DCHS2: variants seen among roughly 807,000 people sequenced by gnomAD.
The protein encoded by DCHS2 is dachsous cadherin-related 2, also known as protocadherin-23.
Under a neutral mutation model 182.4 loss-of-function variants are expected in DCHS2, and 142 were observed. The observed-to-expected ratio is 0.78, with a 90% CI of 0.68 to 0.89. The LOEUF (loss-of-function observed/expected upper bound fraction) is 0.89, where lower values mean the gene tolerates loss of function less well. Ranked by LOEUF, DCHS2 falls within the 40% of genes least tolerant of loss-of-function variation. The probability of loss-of-function intolerance (pLI) is 0.00; values close to 1 mark genes in which losing one functional copy is unlikely to be tolerated. For missense variants in DCHS2, 4,319 were observed against 4,198.6 expected (o/e 1.03, Z -0.79); for synonymous variants, 1,740 against 1,663.3 (o/e 1.05, Z -1.12).
At chr4:154,449,454 T>C (rs1284543217) in intron 1 of DCHS2, among the ~76,000 whole-genome samples, 2 of 151,966 alleles carry the variant, frequency 1.3e-5, no homozygotes, top group African/African-American at 4.8e-5. Flanking sequence ...CACTGCAATC[T>C]CCACTTCCCA....
At chr4:154,394,707 C>T (rs1164862425) in intron 1 of DCHS2, among the ~76,000 whole-genome samples, 1 of 152,044 alleles carries the variant, frequency 6.6e-6, no homozygotes, top group Non-Finnish European at 1.5e-5. Flanking sequence ...TCAAATTGGG[C>T]CAAGTTGCTG....
At chr4:154,265,414 C>T (rs180944959) in intron 14 of DCHS2, among the ~76,000 whole-genome samples, 1 of 152,244 alleles carries the variant, frequency 6.6e-6, no homozygotes, top group South Asian at 2.1e-4. Context: ...TATTATCATA[C>T]TTAAGTCAAG....
Position 154,458,628 on chromosome 4 carries a change from A to G in DCHS2, c.2052+30676T>C, listed in dbSNP as rs550266029. ...TTGCACACACCATATTAAATCTAGAAATCTGTATTTACATGGCTGTTAAAT... is the reference window on the plus strand; with the variant it reads ...TTGCACACACCATATTAAATCTAGAGATCTGTATTTACATGGCTGTTAAAT... On this transcript the variant is annotated intron_variant, in intron 1 of 19. Coordinates refer to ENST00000357232, the MANE Select transcript of DCHS2 (RefSeq NM_001358235.2). 1.3e-4 allele frequency among the ~76,000 whole-genome samples: 20 copies of G among 152,316 alleles called. No homozygotes were observed. The South Asian group carries it at 1.7e-3, about 13-fold the overall frequency.
intron 1 of DCHS2, among the ~76,000 whole-genome samples, chr4:154,486,171 T>C (rs1055888024): frequency 2.0e-5 from 3 of 152,226 alleles, no homozygotes; most frequent in African/African-American, 7.2e-5. Flanking sequence ...AGAGGTTATC[T>C]ATCTCAGTTT....
Position 154,234,562 on chromosome 4 carries a change from T to C in DCHS2, c.10090A>G (p.Lys3364Glu). The change falls in exon 20 of 20, where the codon AAA becomes GAA. Residue 3364 changes from lysine to glutamate, a missense_variant. Coordinates refer to ENST00000357232, the MANE Select transcript of DCHS2 (RefSeq NM_001358235.2). ...THISGTCHEL[K>E]AEDEVQI is the part of the protein sequence containing the mutation. The stretch of plus-strand genomic sequence containing the variant: ...CATATTTGAACTTCATCTTCTGCTT[T>C]AAGTTCATGGCATGTACCACTGATG... 6.2e-7 allele frequency: 1 copy of C among 1,612,498 alleles called. No homozygotes were observed. Among genetic ancestry groups the C allele is most frequent in the Non-Finnish European group, 8.5e-7 (1 of 1,179,140 alleles).
intron 1 of DCHS2, among the ~76,000 whole-genome samples, chr4:154,454,474 A>G (rs964093046): frequency 1.3e-5 from 2 of 152,048 alleles, no homozygotes; most frequent in African/African-American, 4.8e-5. Context: ...CTACCTATTA[A>G]CCCCAAATTA....
At chr4:154,269,571 G>T (rs1478905057) in intron 14 of DCHS2, 2 of 191,736 alleles carry the variant, frequency 1.0e-5, no homozygotes, top group African/African-American at 2.4e-5. Context: ...TCTTATTTTT[G>T]AATTCAGACT....
intron 1 of DCHS2, among the ~76,000 whole-genome samples, chr4:154,414,887 C>A (rs537102706): frequency 1.1e-4 from 16 of 152,270 alleles, no homozygotes; most frequent in Non-Finnish European, 2.2e-4. Context: ...TGATCTGAAC[C>A]TGTGTTGGCA....
At chr4:154,447,005 A>C (rs1734326607) in intron 1 of DCHS2, among the ~76,000 whole-genome samples, 1 of 152,044 alleles carries the variant, frequency 6.6e-6, no homozygotes, top group African/African-American at 2.4e-5. Flanking sequence ...AACTAGGGAA[A>C]TCTGGGCCAT....
Position 154,409,084 on chromosome 4 carries a change from A to C in DCHS2, c.2053-31640T>G, listed in dbSNP as rs576927596. 7.9e-5 allele frequency among the ~76,000 whole-genome samples: 12 copies of C among 152,292 alleles called. No individual in the cohort carries two copies. The South Asian group carries it at 1.5e-3, about 18-fold the overall frequency. ...CAGGACTAAGCTGACGTGGAGCCCC[A>C]TGTCCTAGAGAAACCGAGCATTGGC... On this transcript the variant is annotated intron_variant, in intron 1 of 19. Transcript: ENST00000357232.
intron 9 of DCHS2, 135 bp from the exon 10 acceptor site, chr4:154,316,122 A>G (rs1177397989): frequency 2.2e-5 from 31 of 1,386,876 alleles, no homozygotes; most frequent in Non-Finnish European, 3.0e-5. Context: ...ACTGCATTAA[A>G]TCATCTTTAA....
chr4:154,327,992 A>C (rs748103043), intron 7 of DCHS2, 101 bp downstream of exon 7: 22 of 738,860 alleles, frequency 3.0e-5, no homozygotes, highest in Middle Eastern at 3.7e-4. Flanking sequence ...TACAGCATTC[A>C]AAGTAATCAA....
In DCHS2 at chr4:154,298,692, C is replaced by T. The variant is rs1184341845; in HGVS notation, c.5622G>A (p.Glu1874=). The T allele has an allele frequency of 1.3e-6, 2 of 1,579,874 alleles. No homozygotes were observed. The highest frequency in any genetic ancestry group is 1.7e-6 in the Non-Finnish European group (2 of 1,166,826). ...CTGACATCTCATTTATAGTAAAGCA[C>T]TCATCAGTATTTCCATCTATTAAAG... ...EYHIIDGNTD[E]CFTINEMSGE... The change falls in exon 13 of 20, where the codon GAG becomes GAA. Residue 1874 remains glutamate (E), a synonymous_variant. Transcript: ENST00000357232.
At chr4:154,408,588 T>G (rs1732495356) in intron 1 of DCHS2, among the ~76,000 whole-genome samples, 1 of 152,144 alleles carries the variant, frequency 6.6e-6, no homozygotes. Context: ...CTAGAAGCCC[T>G]TAGCACTCAT....
chr4:154,374,160 A>G, intron 2 of DCHS2: 1 of 527,094 alleles, frequency 1.9e-6, no homozygotes, highest in Non-Finnish European at 3.3e-6. Context: ...ACAGGTTATG[A>G]GCATTTGCAG....
chr4:154,476,189 T>A (rs1735672525), intron 1 of DCHS2, among the ~76,000 whole-genome samples: 1 of 152,240 alleles, frequency 6.6e-6, no homozygotes, highest in Admixed American at 6.5e-5. Context: ...GAAATATATA[T>A]GCTTTTTAAA....
chr4:154,321,016 C>G lies in DCHS2; in HGVS notation c.4383G>C (p.Leu1461Phe). The G allele has an allele frequency of 6.2e-7, 1 of 1,613,804 alleles. No individual in the cohort carries two copies. The highest frequency in any genetic ancestry group is 8.5e-7 in the Non-Finnish European group (1 of 1,179,866). Residue 1461 changes from leucine (L) to phenylalanine (F), a missense_variant, in exon 9 of 20, where the codon TTG becomes TTC. By Grantham distance (22) the Leu-to-Phe change is conservative. Transcript: ENST00000357232. The part of the protein sequence containing the change: ...HFEIDSSTGD[L>F]FLSKELDYET... Reference sequence around the variant, plus strand: ...CATAATCAAGTTCCTTAGAAAGAAACAAGTCTCCGGTTGAGCTGTCTATTT... The same window carrying G: ...CATAATCAAGTTCCTTAGAAAGAAAGAAGTCTCCGGTTGAGCTGTCTATTT...
chr4:154,426,618 T>A (rs1579072217), intron 1 of DCHS2, among the ~76,000 whole-genome samples: 1 of 152,046 alleles, frequency 6.6e-6, no homozygotes, highest in African/African-American at 2.4e-5. Flanking sequence ...GTGACTATAG[T>A]CAACAATAAC....
At chr4:154,302,120 T>C (rs915730369) in intron 12 of DCHS2, among the ~76,000 whole-genome samples, 3 of 152,190 alleles carry the variant, frequency 2.0e-5, no homozygotes, top group African/African-American at 2.4e-5. Context: ...CATTACGTTA[T>C]GGTAAAATTC....
Sources: gnomAD v4.1 joint callset for allele counts (sites outside exome capture counted in the v4.1 genomes callset) on GRCh38, gnomAD v4.1.1 for gene constraint, MANE v1.5 for transcripts, NCBI Gene and HGNC (gene_info 2026-07-23, HGNC 2026-07-21) for gene names.